ABCA6: variants seen among roughly 807,000 people sequenced by gnomAD.
The protein encoded by ABCA6 is ATP-binding cassette sub-family A member 6.
In ABCA6, 164 loss-of-function variants were observed where a neutral mutation model predicts 191.2. The ratio of observed to expected loss-of-function variants is 0.86; its 90% CI spans 0.76 to 0.98. The LOEUF is 0.98. Ranked by LOEUF, ABCA6 falls within the 50% of genes least tolerant of loss-of-function variation. ABCA6 has a pLI of 0.00. For missense variants in ABCA6, 1,958 were observed against 1,894.1 expected (o/e 1.03, Z -0.63); for synonymous variants, 636 against 647.7 (o/e 0.98, Z 0.27).
At chr17:69,100,490 A>G (rs1847706806) in intron 22 of ABCA6, among the ~76,000 whole-genome samples, 1 of 152,132 alleles carries the variant, frequency 6.6e-6, no homozygotes, top group African/African-American at 2.4e-5. Flanking sequence ...CCTGATTTCC[A>G]AGTCAGTGTT....
rs192469091 is a variant in ABCA6, at chr17:69,113,723, T to C, written c.1797A>G (p.Leu599=). The change falls in exon 14 of 39, where the codon TTA becomes TTG. Residue 599 remains leucine, a synonymous_variant. Coordinates refer to ENST00000284425, the MANE Select transcript of ABCA6 (RefSeq NM_080284.3). ...KEVEQEVQRI[L]LELDMQNIQD... is the part of the protein sequence containing the mutation. ...GAATGTTTTGCATGTCCAATTCCAA[T>C]AATATTCGTTGTACCTATATGAGAA... The C allele has an allele frequency of 2.0e-5, 32 of 1,612,100 alleles. No homozygotes were observed. In the African/African-American group the frequency reaches 3.5e-4, roughly 17 times the overall value.
rs7503867 is a variant in ABCA6, at chr17:69,105,386, T to C, written c.2740+76A>G. ...CCATTTTCTTCTCTTATGATTCACT[T>C]CCCCCCCCCACCTCCTGTGCTATTC... is the stretch of plus-strand genomic sequence containing the variant. On this transcript the variant is annotated intron_variant, in intron 20 of 38. Coordinates refer to ENST00000284425, the MANE Select transcript of ABCA6 (RefSeq NM_080284.3). 0.012 allele frequency: 16,526 copies of C among 1,323,118 alleles called. 310 individuals are homozygous for C. In the East Asian group the frequency reaches 0.16, roughly 13 times the overall value. 82.0% of individuals were successfully genotyped at this position (1,323,118 alleles called of 1,614,324 possible).
At chr17:69,116,811 C>A (rs1388844660) in intron 11 of ABCA6, among the ~76,000 whole-genome samples, 1 of 152,066 alleles carries the variant, frequency 6.6e-6, no homozygotes, top group African/African-American at 2.4e-5. Context: ...CCTGATTTCC[C>A]AAAGAGCAGC....
At position 69,106,226 on chromosome 17, in the gene ABCA6, A is replaced by T; in HGVS notation, c.2390-15T>A. 1 of 1,602,720 alleles carries T rather than the reference A, an allele frequency of 6.2e-7. No homozygotes were observed. The highest frequency in any genetic ancestry group is 8.5e-7 in the Non-Finnish European group (1 of 1,174,942). On this transcript the variant is annotated splice_polypyrimidine_tract_variant and intron_variant, in intron 18 of 38. Coordinates refer to ENST00000284425, the MANE Select transcript of ABCA6 (RefSeq NM_080284.3). ...TTGTTCGAAATCTATAAACACACAC[A>T]TACACAAACACACATATTATAATAT...
chr17:69,115,337 A>T (rs201706316), intron 12 of ABCA6, 39 bp downstream of exon 12: 25 of 1,478,110 alleles, frequency 1.7e-5, no homozygotes, highest in African/African-American at 2.8e-5. Context: ...TCATTCTATT[A>T]TAAGACATCT....
intron 2 of ABCA6, among the ~76,000 whole-genome samples, chr17:69,139,405 T>A (rs921463020): frequency 1.3e-5 from 2 of 152,152 alleles, no homozygotes; most frequent in Non-Finnish European, 2.9e-5. Context: ...AGATACCATC[T>A]CACACCAGTT....
intron 8 of ABCA6, among the ~76,000 whole-genome samples, chr17:69,125,294 C>A (rs1018147400): frequency 1.6e-4 from 24 of 151,676 alleles, no homozygotes; most frequent in Non-Finnish European, 3.1e-4. Context: ...TGTTTGTTTT[C>A]AGAAAATCAT....
rs770347959 is a variant in ABCA6, at chr17:69,115,477, A to T, written c.1505T>A (p.Phe502Tyr). 1 of 1,608,450 alleles carries T rather than the reference A, an allele frequency of 6.2e-7. No individual in the cohort carries two copies. Among genetic ancestry groups the T allele is most frequent in the South Asian group, 1.1e-5 (1 of 90,094 alleles). The change falls in exon 12 of 39, where the codon TTT (phenylalanine) becomes TAT (tyrosine). Residue 502 changes from phenylalanine to tyrosine, a missense_variant. Transcript: ENST00000284425. ...GKVEALKGLL[F>Y]DIYEGQITAI... is the part of the protein sequence containing the mutation. ...CGTGATTTGACCTTCATATATGTCAAAGAGCAAGCCTATTTTTAGAACAAA... is the reference window on the plus strand; with the variant it reads ...CGTGATTTGACCTTCATATATGTCATAGAGCAAGCCTATTTTTAGAACAAA...
chr17:69,083,898 A>C (rs993682822), intron 34 of ABCA6, among the ~76,000 whole-genome samples: 7 of 152,224 alleles, frequency 4.6e-5, no homozygotes, highest in Non-Finnish European at 1.0e-4. Context: ...AAAAGGAAAA[A>C]AAACAAACAG....
chr17:69,085,852 CCACG>C, intron 30 of ABCA6, 136 bp from the exon 31 acceptor site: 1 of 612,226 alleles, frequency 1.6e-6, no homozygotes, highest in Non-Finnish European at 2.9e-6. Flanking sequence ...TATATGTAAT[CCACG>C]TCACCAAAGC....
intron 22 of ABCA6, 62 bp downstream of exon 22, chr17:69,100,735 G>C (rs2073159936): frequency 1.4e-6 from 2 of 1,461,344 alleles, no homozygotes. Context: ...AAGCTAAAGA[G>C]AGAAAACATA....
chr17:69,083,032 A>G lies in ABCA6; in HGVS notation c.4476-19T>C, dbSNP rs200217034. ...AATGCATCTATGGGCAAGAAAGAGAATATGTTGGAAAAAATATTGCCCTTA... is the reference window on the plus strand; with the variant it reads ...AATGCATCTATGGGCAAGAAAGAGAGTATGTTGGAAAAAATATTGCCCTTA... On this transcript the variant is annotated intron_variant, in intron 35 of 38. Transcript: ENST00000284425. The G allele has an allele frequency of 6.2e-7, 1 of 1,609,326 alleles. No homozygotes were observed. The highest frequency in any genetic ancestry group is 1.1e-5 in the South Asian group (1 of 89,776).
chr17:69,088,330 G>C, intron 27 of ABCA6, 72 bp from the exon 28 acceptor site: 1 of 1,227,494 alleles, frequency 8.1e-7, no homozygotes, highest in Non-Finnish European at 1.1e-6. Context: ...GAATTAAGTT[G>C]GTGGTGTTTT....
At chr17:69,116,491 T>C (rs1198209491) in intron 11 of ABCA6, among the ~76,000 whole-genome samples, 2 of 152,124 alleles carry the variant, frequency 1.3e-5, no homozygotes, top group Non-Finnish European at 2.9e-5. Flanking sequence ...CTTGAAAGTA[T>C]GCTTCCTTTG....
At chr17:69,108,831 G>T (rs2073360063) in intron 17 of ABCA6, 1 of 152,212 alleles carries the variant, frequency 6.6e-6, no homozygotes, top group South Asian at 2.1e-4. Flanking sequence ...CATGCCATTA[G>T]ACAGCAGAGG....
At chr17:69,134,845 G>A in intron 4 of ABCA6, 103 bp from the exon 5 acceptor site, 1 of 655,840 alleles carries the variant, frequency 1.5e-6, no homozygotes, top group Non-Finnish European at 2.5e-6. Flanking sequence ...GACTCTACCA[G>A]TAAACTTTTT....
chr17:69,083,970 A>C (rs1285161448), intron 34 of ABCA6, among the ~76,000 whole-genome samples: 2 of 152,184 alleles, frequency 1.3e-5, no homozygotes, highest in East Asian at 3.8e-4. Context: ...AAAAAGAAGA[A>C]ACAGTTATAG....
chr17:69,087,211 A>T, intron 29 of ABCA6, 142 bp downstream of exon 29: 2 of 1,008,624 alleles, frequency 2.0e-6, no homozygotes, highest in Non-Finnish European at 2.9e-6. Context: ...TTATGCAGAT[A>T]CTTCTTTGGA....
At position 69,135,996 on chromosome 17, in the gene ABCA6, A is replaced by C. The variant is rs764886365; in HGVS notation, c.460+96T>G. On this transcript the variant is annotated intron_variant, in intron 4 of 38. Transcript: ENST00000284425. ...TGAAATGGGCTTTCCCTGTTTTCTC[A>C]TGTGTCATTGAAAGCATCTCTGTTG... The C allele has an allele frequency of 4.2e-5, 49 of 1,162,206 alleles. No individual in the cohort carries two copies. The Admixed American group carries it at 7.9e-4, about 19-fold the overall frequency. 72.0% of individuals were successfully genotyped at this position (1,162,206 alleles called of 1,614,324 possible).
Sources: gnomAD v4.1 joint callset for allele counts (sites outside exome capture counted in the v4.1 genomes callset) on GRCh38, gnomAD v4.1.1 for gene constraint, MANE v1.5 for transcripts, NCBI Gene and HGNC (gene_info 2026-07-23, HGNC 2026-07-21) for gene names.